The following UBASH3B variants were observed in gnomAD, a reference collection of about 807,000 sequenced individuals.
The protein encoded by UBASH3B is ubiquitin-associated and SH3 domain-containing protein B.
UBASH3B carries 37 observed loss-of-function variants against 83.4 expected under a neutral mutation model. The observed-to-expected ratio is 0.44, with a 90% CI of 0.34 to 0.58. The LOEUF is 0.58. Among genes scored for constraint, UBASH3B ranks in the 20% least tolerant of loss-of-function variants. The pLI, the probability that UBASH3B is intolerant of heterozygous loss-of-function variation, is 0.01. For missense variants in UBASH3B, 657 were observed against 827.2 expected (o/e 0.79, Z 2.52); for synonymous variants, 304 against 318.3 (o/e 0.96, Z 0.48).
intron 1 of UBASH3B, among the ~76,000 whole-genome samples, chr11:122,674,778 G>T (rs1863646541): frequency 2.0e-5 from 3 of 147,824 alleles, no homozygotes; most frequent in South Asian, 4.2e-4. Context: ...GCCCAGGCTG[G>T]AGTGCAGTGG....
intron 1 of UBASH3B, among the ~76,000 whole-genome samples, chr11:122,662,747 C>G (rs1863462709): frequency 6.6e-6 from 1 of 152,040 alleles, no homozygotes; most frequent in Non-Finnish European, 1.5e-5. Context: ...CTTTCTTTCA[C>G]TGTACATTAG....
chr11:122,750,188 C>T (rs772120325), intron 1 of UBASH3B, among the ~76,000 whole-genome samples: 1 of 152,176 alleles, frequency 6.6e-6, no homozygotes, highest in South Asian at 2.1e-4. Flanking sequence ...TTCCTCAGGC[C>T]GATGCTGCCT....
chr11:122,778,554 A>AT (rs56698309), intron 3 of UBASH3B, among the ~76,000 whole-genome samples: 61,694 of 126,844 alleles, frequency 0.49, 13,907 homozygotes, highest in African/African-American at 0.55. Flanking sequence ...ACATTCCTTC[A>AT]TTTTTTTTTT....
intron 1 of UBASH3B, among the ~76,000 whole-genome samples, chr11:122,701,718 T>C (rs947583269): frequency 6.6e-6 from 1 of 152,102 alleles, no homozygotes; most frequent in African/African-American, 2.4e-5. Flanking sequence ...CTTTTGACTC[T>C]CCCCTCAAGA....
intron 1 of UBASH3B, among the ~76,000 whole-genome samples, chr11:122,690,214 T>TATATATATAATTATATA (rs1863873410): frequency 1.9e-5 from 1 of 52,684 alleles, no homozygotes; most frequent in Non-Finnish European, 3.3e-5. Flanking sequence ...ATATATCCAA[T>TATATATATAATTATATA]TATATATATA....
At chr11:122,674,526 G>A (rs1436075224) in intron 1 of UBASH3B, among the ~76,000 whole-genome samples, 3 of 151,898 alleles carry the variant, frequency 2.0e-5, no homozygotes, top group African/African-American at 4.8e-5. Flanking sequence ...GACTACAGGC[G>A]CCCGCCACCA....
chr11:122,768,538 C>T (rs1860592744), intron 1 of UBASH3B, among the ~76,000 whole-genome samples: 1 of 150,810 alleles, frequency 6.6e-6, no homozygotes, highest in Non-Finnish European at 1.5e-5. Flanking sequence ...CTGAGCCTCA[C>T]TCTATCGCCC....
At chr11:122,705,821 G>C (rs563756148) in intron 1 of UBASH3B, among the ~76,000 whole-genome samples, 2 of 152,110 alleles carry the variant, frequency 1.3e-5, no homozygotes. Context: ...TCCCATCTTC[G>C]TTCAACTTTA....
intron 1 of UBASH3B, chr11:122,709,437 A>G (rs1468904551): frequency 6.6e-6 from 1 of 152,214 alleles, no homozygotes; most frequent in Non-Finnish European, 1.5e-5. Context: ...ATCACTTACA[A>G]GTGAGCCGCT....
At chr11:122,712,896 G>GTTTTTTTTTTTTTTT (rs386375116) in intron 1 of UBASH3B, among the ~76,000 whole-genome samples, 2 of 64,522 alleles carry the variant, frequency 3.1e-5, no homozygotes, top group African/African-American at 6.8e-5. Context: ...TCTCTGGGTG[G>GTTTTTTTTTTTTTTT]TTTTTTTTTT....
At chr11:122,714,953 T>A (rs1303871283) in intron 1 of UBASH3B, among the ~76,000 whole-genome samples, 1 of 152,188 alleles carries the variant, frequency 6.6e-6, no homozygotes, top group Non-Finnish European at 1.5e-5. Context: ...TTGTTGTTCT[T>A]GTTGTTTTTT....
At chr11:122,691,920 C>T (rs1863902675) in intron 1 of UBASH3B, among the ~76,000 whole-genome samples, 1 of 152,136 alleles carries the variant, frequency 6.6e-6, no homozygotes, top group African/African-American at 2.4e-5. Flanking sequence ...GGCCCAGATC[C>T]ATCTGCCCAG....
chr11:122,726,290 C>A lies in UBASH3B; in HGVS notation c.162-49929C>A, dbSNP rs186137616. The stretch of plus-strand genomic sequence containing the variant: ...CACGCACGTGAACACCCAGTCATTA[C>A]GCTTATGAACTATAAAAAGATCACC... On this transcript the variant is annotated intron_variant, in intron 1 of 13. Coordinates refer to ENST00000284273, the MANE Select transcript of UBASH3B (RefSeq NM_032873.5). 86 of 158,466 alleles carry A rather than the reference C, an allele frequency of 5.4e-4. No individual in the cohort carries two copies. The East Asian group carries it at 0.013, about 24-fold the overall frequency. 9.8% of individuals were successfully genotyped at this position (158,466 alleles called of 1,614,324 possible). A position where few individuals can be genotyped will look rare whatever the true frequency, so the allele number is the denominator to read the frequency against.
chr11:122,728,897 C>T (rs1860791433), intron 1 of UBASH3B, among the ~76,000 whole-genome samples: 1 of 152,198 alleles, frequency 6.6e-6, no homozygotes, highest in South Asian at 2.1e-4. Flanking sequence ...TGTTAAATCC[C>T]TCCCTCTCAC....
intron 1 of UBASH3B, among the ~76,000 whole-genome samples, chr11:122,748,155 C>A: frequency 6.6e-6 from 1 of 152,316 alleles, no homozygotes; most frequent in African/African-American, 2.4e-5. Context: ...AAAGGTGGAG[C>A]GACTTCACAT....
intron 1 of UBASH3B, among the ~76,000 whole-genome samples, chr11:122,708,386 G>C (rs1864151709): frequency 1.3e-5 from 2 of 149,000 alleles, no homozygotes; most frequent in Admixed American, 6.9e-5. Context: ...CCGCCTCCCA[G>C]GTTCAAGCAA....
intron 1 of UBASH3B, among the ~76,000 whole-genome samples, chr11:122,723,999 G>A (rs1860687904): frequency 6.6e-6 from 1 of 152,306 alleles, no homozygotes; most frequent in Middle Eastern, 3.4e-3. Context: ...GACTTTGGTG[G>A]GTGGTCCCCT....
chr11:122,693,886 A>T (rs1223126812), intron 1 of UBASH3B, among the ~76,000 whole-genome samples: 2 of 152,132 alleles, frequency 1.3e-5, no homozygotes, highest in African/African-American at 4.8e-5. Flanking sequence ...AAATAAAAAT[A>T]AGAAAGAAAG....
intron 1 of UBASH3B, among the ~76,000 whole-genome samples, chr11:122,665,515 C>T (rs1184504225): frequency 6.6e-6 from 1 of 152,118 alleles, no homozygotes; most frequent in East Asian, 1.9e-4. Context: ...TTTTGGACAG[C>T]ACGAGGATGC....
Sources: allele counts gnomAD v4.1 joint callset (sites outside exome capture counted in the v4.1 genomes callset), GRCh38; gene constraint gnomAD v4.1.1; transcripts MANE v1.5; gene names NCBI Gene and HGNC (gene_info 2026-07-23, HGNC 2026-07-21).